Variants in HACD2 observed in about 807,000 individuals in gnomAD.
HACD2 encodes 3-hydroxyacyl-CoA dehydratase 2, also known as very-long-chain (3R)-3-hydroxyacyl-CoA dehydratase 2.
A neutral mutation model predicts 31.0 loss-of-function variants in HACD2; 15 were observed. The observed-to-expected ratio is 0.48, with a 90% CI of 0.32 to 0.75. HACD2 has a LOEUF of 0.75. Ranked by LOEUF, HACD2 falls within the 30% of genes least tolerant of loss-of-function variation. HACD2 has a pLI of 0.03. For synonymous variants in HACD2, 115 were observed against 122.2 expected (o/e 0.94, Z 0.39); for missense variants, 283 against 313.0 (o/e 0.90, Z 0.72).
rs116551578 is a variant in HACD2 at position 123,549,661 on chromosome 3, T to C, written c.292+18101A>G. Among the ~76,000 whole-genome samples the C allele has an allele frequency of 8.7e-3, 1,321 of 152,182 alleles. 18 individuals carry two copies. Among genetic ancestry groups the C allele is most frequent in the African/African-American group, 0.03 (1,233 of 41,522 alleles). Reference sequence around the variant, plus strand: ...TACTTGGGAGGCTGAGGTGGAAAGATTGCTTGAGCCTGGGAAGTTGAGGCT... The same window carrying C: ...TACTTGGGAGGCTGAGGTGGAAAGACTGCTTGAGCCTGGGAAGTTGAGGCT... On this transcript the variant is annotated intron_variant, in intron 3 of 6. Transcript: ENST00000383657.
rs748046625 is a variant in HACD2, at chr3:123,584,927, G to C, written c.101C>G (p.Pro34Arg). The C allele has an allele frequency of 9.8e-6, 15 of 1,529,846 alleles. No homozygotes were observed. The highest frequency in any genetic ancestry group is 1.3e-5 in the Non-Finnish European group (15 of 1,138,244). The allele number at this position is 1,529,846 out of a possible 1,614,324, so 94.8% of individuals were successfully genotyped here. A position where few individuals can be genotyped will look rare whatever the true frequency, so the allele number is the denominator to read the frequency against. Residue 34 changes from proline (P) to arginine (R), a missense_variant, in exon 1 of 7, where the codon CCG (proline) becomes CGG (arginine). Physicochemically the swap from Pro to Arg is moderately radical, Grantham distance 103. Coordinates refer to ENST00000383657, the MANE Select transcript of HACD2 (RefSeq NM_198402.5). ...DASGTRKKKG[P>R]GPLATAYLVI... ...CAGGTACGCCGTGGCCAGGGGCCCC[G>C]GGCCCTTCTTCTTCCGCGTGCCGCT...
At chr3:123,510,348 A>C (rs946409300) in intron 4 of HACD2, among the ~76,000 whole-genome samples, 15 of 152,152 alleles carry the variant, frequency 9.9e-5, no homozygotes, top group Non-Finnish European at 2.2e-4. Flanking sequence ...CCCGGGTTCA[A>C]GTGATTCTCC....
chr3:123,532,757 C>G (rs946668542), intron 3 of HACD2, among the ~76,000 whole-genome samples: 8 of 145,342 alleles, frequency 5.5e-5, no homozygotes, highest in Non-Finnish European at 1.2e-4. Flanking sequence ...ATCTCTTGAA[C>G]CCGGGAGCAG....
intron 2 of HACD2, among the ~76,000 whole-genome samples, chr3:123,568,559 G>A (rs1316309014): frequency 1.3e-5 from 2 of 152,050 alleles, no homozygotes; most frequent in African/African-American, 4.8e-5. Context: ...TTTCCAGTGC[G>A]TTGAGTGAGA....
intron 2 of HACD2, among the ~76,000 whole-genome samples, chr3:123,571,376 A>G (rs80321176): frequency 0.14 from 20,905 of 152,210 alleles, 1,567 homozygotes; most frequent in East Asian, 0.26. Flanking sequence ...AGATACAGAT[A>G]TTATGTGGGT....
intron 4 of HACD2, among the ~76,000 whole-genome samples, chr3:123,510,204 A>T (rs757357797): frequency 1.3e-5 from 2 of 152,130 alleles, no homozygotes; most frequent in African/African-American, 2.4e-5. Context: ...TATCTCTAAG[A>T]ATTTGTTAAT....
chr3:123,522,028 C>T (rs1426500313), intron 4 of HACD2, among the ~76,000 whole-genome samples: 1 of 151,980 alleles, frequency 6.6e-6, no homozygotes, highest in African/African-American at 2.4e-5. Flanking sequence ...CACTCTTGGC[C>T]GGTGTGGTGG....
At chr3:123,500,156 T>C (rs981962963) in intron 6 of HACD2, among the ~76,000 whole-genome samples, 1 of 152,236 alleles carries the variant, frequency 6.6e-6, no homozygotes, top group Admixed American at 6.5e-5. Context: ...TTTCAAATAC[T>C]GTAACAAGCA....
At chr3:123,515,711 C>T (rs1352978722) in intron 4 of HACD2, among the ~76,000 whole-genome samples, 1 of 151,892 alleles carries the variant, frequency 6.6e-6, no homozygotes, top group African/African-American at 2.4e-5. Flanking sequence ...AATAGATACA[C>T]ACATGGTGGT....
At chr3:123,504,561 G>A (rs1467699511) in intron 4 of HACD2, among the ~76,000 whole-genome samples, 7 of 149,114 alleles carry the variant, frequency 4.7e-5, no homozygotes, top group South Asian at 2.1e-4. Flanking sequence ...ACCCAAAACC[G>A]CCCAAAACCT....
chr3:123,530,257 T>A (rs2056341449), intron 3 of HACD2, among the ~76,000 whole-genome samples: 1 of 152,072 alleles, frequency 6.6e-6, no homozygotes, highest in Non-Finnish European at 1.5e-5. Flanking sequence ...GGATTTCTTT[T>A]TTTAAAAAAA....
At chr3:123,530,372 G>A (rs189531105) in intron 3 of HACD2, among the ~76,000 whole-genome samples, 6 of 151,216 alleles carry the variant, frequency 4.0e-5, no homozygotes, top group Admixed American at 3.3e-4. Context: ...TCGCCTCAGC[G>A]TCCCAAGTAG....
chr3:123,544,350 C>T (rs971641986), intron 3 of HACD2, among the ~76,000 whole-genome samples: 6 of 152,128 alleles, frequency 3.9e-5, no homozygotes, highest in Non-Finnish European at 7.4e-5. Context: ...AGCTTGAAAA[C>T]GATAGGCAAA....
chr3:123,521,012 C>T (rs2056207586), intron 4 of HACD2, among the ~76,000 whole-genome samples: 1 of 152,108 alleles, frequency 6.6e-6, no homozygotes. Context: ...TTTTGTTAAT[C>T]CCAGAACTGC....
At chr3:123,502,518 A>G (rs1211751808) in intron 5 of HACD2, 42 bp downstream of exon 5, 2 of 1,596,092 alleles carry the variant, frequency 1.3e-6, no homozygotes, top group Middle Eastern at 1.7e-4. Flanking sequence ...ATTCAATGAC[A>G]GATCATTTCA....
rs1255066918 is a variant in HACD2 at position 123,491,950 on chromosome 3, T to C, written c.*2938A>G. The C allele has an allele frequency of 6.6e-6, 1 of 152,230 alleles. No individual in the cohort carries two copies. The highest frequency in any genetic ancestry group is 2.4e-5 in the African/African-American group (1 of 41,462). 9.4% of individuals were successfully genotyped at this position (152,230 alleles called of 1,614,324 possible). ...CCATATCAATGCCAACCTTTTATTA[T>C]AAATGAATAACCAAAAAAATAAGTG... On this transcript the variant is annotated 3_prime_UTR_variant, in exon 7 of 7. Coordinates refer to ENST00000383657, the MANE Select transcript of HACD2 (RefSeq NM_198402.5).
At chr3:123,496,261 G>A (rs1205168385) in intron 6 of HACD2, among the ~76,000 whole-genome samples, 1 of 152,128 alleles carries the variant, frequency 6.6e-6, no homozygotes, top group Non-Finnish European at 1.5e-5. Flanking sequence ...GGGGTCAAGG[G>A]GTGTGCCCGC....
In HACD2 at chr3:123,493,222, G is replaced by A. The variant is rs893197727; in HGVS notation, c.*1666C>T. On this transcript the variant is annotated 3_prime_UTR_variant, in exon 7 of 7. Coordinates refer to ENST00000383657, the MANE Select transcript of HACD2 (RefSeq NM_198402.5). Reference sequence around the variant, plus strand: ...ACAAAAAAAATTAGCTGGGTGTGGTGGCAGGCACCTGTAGTCCCAGCTACT... The same window carrying A: ...ACAAAAAAAATTAGCTGGGTGTGGTAGCAGGCACCTGTAGTCCCAGCTACT... 2.0e-5 allele frequency: 3 copies of A among 152,244 alleles called. No homozygotes were observed. The highest frequency in any genetic ancestry group is 7.2e-5 in the African/African-American group (3 of 41,440). 9.4% of individuals were successfully genotyped at this position (152,244 alleles called of 1,614,324 possible). A position where few individuals can be genotyped will look rare whatever the true frequency, so the allele number is the denominator to read the frequency against.
chr3:123,570,872 A>C (rs1297344101), intron 2 of HACD2, among the ~76,000 whole-genome samples: 1 of 151,510 alleles, frequency 6.6e-6, no homozygotes, highest in Non-Finnish European at 1.5e-5. Context: ...AAGACGAGCT[A>C]TCCCAAAATA....
Sources: gnomAD v4.1 joint callset for allele counts (sites outside exome capture counted in the v4.1 genomes callset) on GRCh38, gnomAD v4.1.1 for gene constraint, MANE v1.5 for transcripts, NCBI Gene and HGNC (gene_info 2026-07-23, HGNC 2026-07-21) for gene names.